Variants in EIF2D observed in about 807,000 individuals in gnomAD.
EIF2D encodes the protein eukaryotic translation initiation factor 2D.
A neutral mutation model predicts 77.4 loss-of-function variants in EIF2D; 56 were observed. The ratio of observed to expected loss-of-function variants is 0.72; its 90% CI spans 0.58 to 0.90. The LOEUF (loss-of-function observed/expected upper bound fraction) is 0.90. EIF2D is among the 40% of genes least tolerant of loss of function. The pLI is 0.00. For missense variants in EIF2D, 574 were observed against 706.5 expected (o/e 0.81, Z 2.13); for synonymous variants, 230 against 271.0 (o/e 0.85, Z 1.49).
Position 206,584,844 on chromosome 1 carries a change from G to T in EIF2D, c.139-3682C>A. 1 of 755,442 alleles carries T rather than the reference G, an allele frequency of 1.3e-6. No homozygotes were observed. The allele number at this position is 755,442 out of a possible 1,614,324, so 46.8% of individuals were successfully genotyped here. On this transcript the variant is annotated intron_variant and NMD_transcript_variant, in intron 2 of 5. Transcript: ENST00000472709. The surrounding 1 kb of genome is among the most constrained non-coding windows in gnomAD (Gnocchi z 4.9). ...TGTTCAGATCTGTGGAATCCGGGCA[G>T]GGAGGCAAGAGCAGAGTCCCTGACT...
chr1:206,577,170 T>C (rs1171547515), intron 4 of EIF2D, among the ~76,000 whole-genome samples: 1 of 152,096 alleles, frequency 6.6e-6, no homozygotes, highest in Non-Finnish European at 1.5e-5. Context: ...TGTGCCACAA[T>C]AGTAGAGTTG....
intron 3 of EIF2D, among the ~76,000 whole-genome samples, chr1:206,608,628 C>T (rs549157575): frequency 7.2e-5 from 11 of 152,298 alleles, no homozygotes; most frequent in Admixed American, 3.9e-4. Flanking sequence ...CTGTGGCTTA[C>T]GCTTTTTATG....
At chr1:206,597,502 A>G (rs1669706798) in intron 11 of EIF2D, among the ~76,000 whole-genome samples, 1 of 152,256 alleles carries the variant, frequency 6.6e-6, no homozygotes, top group South Asian at 2.1e-4. Flanking sequence ...AGGAAGAAAG[A>G]AAGGAAGTGG....
At chr1:206,581,366 G>A (rs2103566520) in intron 2 of EIF2D, among the ~76,000 whole-genome samples, 1 of 152,298 alleles carries the variant, frequency 6.6e-6, no homozygotes, top group African/African-American at 2.4e-5. Context: ...GGGAGGCCAA[G>A]GCGGATGGAT....
At position 206,600,322 on chromosome 1, in the gene EIF2D, G is replaced by A; in HGVS notation, c.903-14C>T. ...CGTCCTTCGGGGCTGATGGCAGATG[G>A]AAAAGGCAAATTAAACTAATGAGCA... On this transcript the variant is annotated splice_polypyrimidine_tract_variant and intron_variant, in intron 7 of 14. Transcript: ENST00000271764. 1 of 1,613,338 alleles carries A rather than the reference G, an allele frequency of 6.2e-7. No homozygotes were observed. Among genetic ancestry groups the A allele is most frequent in the East Asian group, 2.2e-5 (1 of 44,882 alleles).
At chr1:206,583,256 G>T in intron 2 of EIF2D, 1 of 1,574,776 alleles carries the variant, frequency 6.4e-7, no homozygotes, top group Non-Finnish European at 8.7e-7. Context: ...CTCCACTTCT[G>T]TGTCTCTTCC....
chr1:206,572,319 G>A (rs1230421462), intron 5 of EIF2D, among the ~76,000 whole-genome samples: 1 of 152,134 alleles, frequency 6.6e-6, no homozygotes, highest in South Asian at 2.1e-4. Context: ...AGCTTCTTCC[G>A]AGATAGCCCA....
chr1:206,578,839 C>T (rs1367642043), intron 4 of EIF2D, among the ~76,000 whole-genome samples: 1 of 152,088 alleles, frequency 6.6e-6, no homozygotes, highest in Non-Finnish European at 1.5e-5. Flanking sequence ...ACTCTCCAGT[C>T]ACCAAAATTA....
chr1:206,585,491 G>C, intron 2 of EIF2D: 3 of 504,922 alleles, frequency 5.9e-6, no homozygotes, highest in Non-Finnish European at 1.1e-5. Flanking sequence ...CCCTGGGGTA[G>C]CACATTAGGG....
chr1:206,587,260 C>G (rs1349259744), downstream of EIF2D: 2 of 400,222 alleles, frequency 5.0e-6, no homozygotes, highest in South Asian at 2.2e-5. Flanking sequence ...TTTCACCAAC[C>G]AAATAGTTGC....
intron 4 of EIF2D, 63 bp from the exon 5 acceptor site, chr1:206,605,570 A>T (rs1572408809): frequency 1.4e-6 from 2 of 1,393,040 alleles, no homozygotes; most frequent in East Asian, 4.6e-5. Context: ...ACATGTTAGG[A>T]TCATCTTCTG....
chr1:206,612,343 G>T lies in EIF2D; in HGVS notation c.-1C>A. ...TGACCCGAAAGGCCTTGGCAAACATGTCTGCTGGGGTGGCCTGGGGAAGAG... is the reference window on the plus strand; with the variant it reads ...TGACCCGAAAGGCCTTGGCAAACATTTCTGCTGGGGTGGCCTGGGGAAGAG... On this transcript the variant is annotated 5_prime_UTR_variant, in exon 1 of 15. Transcript: ENST00000271764. The T allele has an allele frequency of 6.2e-7, 1 of 1,614,260 alleles. No homozygotes were observed. Among genetic ancestry groups the T allele is most frequent in the African/African-American group, 1.3e-5 (1 of 75,070 alleles).
chr1:206,611,322 G>A lies in EIF2D; in HGVS notation c.109C>T (p.Gln37Ter), dbSNP rs1670485183. The A allele has an allele frequency of 6.2e-7, 1 of 1,614,178 alleles. No individual in the cohort carries two copies. The highest frequency in any genetic ancestry group is 2.2e-5 in the East Asian group (1 of 44,880). Reference protein sequence around the residue: ...TTAFPTLGTDQVSELVPGKEE... With the variant: ...TTAFPTLGTD Reference sequence around the variant, plus strand: ...TTTCCAGGTACTAACTCAGAGACTTGATCAGTTCCAAGGGTGGGGAAAGCA... The same window carrying A: ...TTTCCAGGTACTAACTCAGAGACTTAATCAGTTCCAAGGGTGGGGAAAGCA... Residue 37 changes from glutamine (Q) to a stop codon, truncating the protein, a stop_gained, in exon 2 of 15, where the codon CAA becomes TAA. Coordinates refer to ENST00000271764, the MANE Select transcript of EIF2D (RefSeq NM_006893.3). LOFTEE classifies it high-confidence loss of function.
intron 12 of EIF2D, among the ~76,000 whole-genome samples, chr1:206,596,462 A>G (rs1230703324): frequency 2.0e-5 from 3 of 152,192 alleles, no homozygotes; most frequent in African/African-American, 7.2e-5. Flanking sequence ...GTGTTCCAAC[A>G]AAACTTTATT....
At chr1:206,576,568 G>A (rs1668666454) in intron 4 of EIF2D, among the ~76,000 whole-genome samples, 2 of 152,198 alleles carry the variant, frequency 1.3e-5, no homozygotes, top group Admixed American at 1.3e-4. Context: ...TATGATTCAG[G>A]AGAAAGAGAG....
intron 2 of EIF2D, 69 bp from the exon 3 acceptor site, chr1:206,609,528 A>G (rs1019885164): frequency 3.3e-5 from 42 of 1,274,382 alleles, no homozygotes; most frequent in Non-Finnish European, 4.4e-5. Context: ...GGAAAAACCT[A>G]ACACTATGGT....
At chr1:206,607,999 T>A (rs1445389981) in intron 4 of EIF2D, among the ~76,000 whole-genome samples, 1 of 152,024 alleles carries the variant, frequency 6.6e-6, no homozygotes, top group African/African-American at 2.4e-5. Context: ...TAAAATAAAA[T>A]AAAAATGCTA....
Position 206,612,289 on chromosome 1 carries a change from G to C in EIF2D, c.54C>G (p.Asp18Glu), listed in dbSNP as rs201156687. 40 of 1,614,120 alleles carry C rather than the reference G, an allele frequency of 2.5e-5. No homozygotes were observed. Among genetic ancestry groups the C allele is most frequent in the Non-Finnish European group, 3.3e-5 (39 of 1,180,038 alleles). ...AGCAGGCCCCTTTCCTCCCTCACCT[G>C]TCCGACCCCTTGATGGCCGTGTTGG... ...VKSNTAIKGS[D>E]RRKLRADVTT... Residue 18 changes from aspartate to glutamate, a missense_variant and splice_region_variant, in exon 1 of 15, where the codon GAC (aspartate) becomes GAG (glutamate). Physicochemically the swap from Asp to Glu is conservative, Grantham distance 45. Coordinates refer to ENST00000271764, the MANE Select transcript of EIF2D (RefSeq NM_006893.3).
intron 5 of EIF2D, chr1:206,571,500 A>G (rs1553404195): frequency 6.6e-6 from 1 of 152,200 alleles, no homozygotes; most frequent in Admixed American, 6.5e-5. Flanking sequence ...TGGTCTGGGA[A>G]TACAAAGATG....
Sources: gnomAD v4.1 joint callset for allele counts (sites outside exome capture counted in the v4.1 genomes callset) on GRCh38, gnomAD v4.1.1 for gene constraint, Gnocchi (gnomAD v3.1) non-coding constraint, MANE v1.5 for transcripts, NCBI Gene and HGNC (gene_info 2026-07-23, HGNC 2026-07-21) for gene names.